PRKAR2B: variants seen among roughly 807,000 people sequenced by gnomAD.
PRKAR2B encodes protein kinase cAMP-dependent type II regulatory subunit beta.
Under a neutral mutation model 49.9 loss-of-function variants are expected in PRKAR2B, and 14 were observed. That is an observed-to-expected ratio of 0.28 (90% CI 0.19 to 0.44). The LOEUF (loss-of-function observed/expected upper bound fraction) is 0.44. Ranked by LOEUF, PRKAR2B falls within the 20% of genes least tolerant of loss-of-function variation. The pLI is 1.00. For missense variants in PRKAR2B, 393 were observed against 537.9 expected, an observed-to-expected ratio of 0.73 and a Z score of 2.67; for synonymous variants, 196 against 197.7, an observed-to-expected ratio of 0.99 and a Z score of 0.07.
intron 1 of PRKAR2B, among the ~76,000 whole-genome samples, chr7:107,056,742 A>G (rs1793920953): frequency 6.6e-6 from 1 of 152,228 alleles, no homozygotes; most frequent in Non-Finnish European, 1.5e-5. Flanking sequence ...GACTTTTAAT[A>G]ATAGTCTCCT....
chr7:107,114,324 CTGTGTGTGTGTGTGTGTGTG>C (rs58110858), intron 2 of PRKAR2B, among the ~76,000 whole-genome samples: 2,649 of 130,928 alleles, frequency 0.02, 66 homozygotes, highest in East Asian at 0.1. Flanking sequence ...GCATGTACAG[CTGTGTGTGTGTGTGTGTGTG>C]TGTGTGTGTG....
At chr7:107,099,342 T>G (rs979973434) in intron 2 of PRKAR2B, among the ~76,000 whole-genome samples, 2 of 152,182 alleles carry the variant, frequency 1.3e-5, no homozygotes, top group Admixed American at 6.5e-5. Flanking sequence ...TCTCCTGGTG[T>G]GCCGTTTGCT....
chr7:107,072,131 A>C (rs565197330), intron 2 of PRKAR2B, among the ~76,000 whole-genome samples: 2 of 150,670 alleles, frequency 1.3e-5, no homozygotes, highest in East Asian at 3.9e-4. Flanking sequence ...AATTGTAGAG[A>C]TGATGTAATA....
At chr7:107,050,333 CTTTTTTTTTTTTT>C (rs57752789) in intron 1 of PRKAR2B, among the ~76,000 whole-genome samples, 4 of 68,594 alleles carry the variant, frequency 5.8e-5, no homozygotes, top group African/African-American at 2.9e-4. Context: ...CAGTTACCAG[CTTTTTTTTTTTTT>C]TTTTTTTTTT....
At chr7:107,112,749 G>T (rs1265029470) in intron 2 of PRKAR2B, among the ~76,000 whole-genome samples, 7 of 151,804 alleles carry the variant, frequency 4.6e-5, no homozygotes, top group Non-Finnish European at 1.0e-4. Flanking sequence ...TTTAATTAAT[G>T]AAAAAAACCA....
At chr7:107,086,811 AATG>A (rs1194878150) in intron 2 of PRKAR2B, among the ~76,000 whole-genome samples, 1 of 152,158 alleles carries the variant, frequency 6.6e-6, no homozygotes, top group Non-Finnish European at 1.5e-5. Flanking sequence ...TCGTAAACAT[AATG>A]ATATGGTAAG....
At chr7:107,158,575 C>T (rs914902642) in intron 10 of PRKAR2B, among the ~76,000 whole-genome samples, 5 of 152,184 alleles carry the variant, frequency 3.3e-5, no homozygotes, top group South Asian at 2.1e-4. Flanking sequence ...GTAAATACTT[C>T]GAAGGTTTTG....
intron 5 of PRKAR2B, 22 bp downstream of exon 5, chr7:107,140,975 T>A: frequency 6.5e-7 from 1 of 1,533,870 alleles, no homozygotes; most frequent in Non-Finnish European, 9.0e-7. Context: ...CCAACCTTAC[T>A]ATTGAAATTG....
At chr7:107,144,890 C>T (rs1795861901) in intron 5 of PRKAR2B, among the ~76,000 whole-genome samples, 1 of 149,830 alleles carries the variant, frequency 6.7e-6, no homozygotes, top group South Asian at 2.1e-4. Flanking sequence ...TCTATCTGCC[C>T]TCACAGGTGC....
chr7:107,148,840 G>A lies in PRKAR2B; in HGVS notation c.742-2082G>A, dbSNP rs1795938568. Among the ~76,000 whole-genome samples the A allele has an allele frequency of 3.3e-5, 5 of 152,292 alleles. No homozygotes were observed. The South Asian group carries it at 1.0e-3, about 32-fold the overall frequency. On this transcript the variant is annotated intron_variant, in intron 6 of 10. Coordinates refer to ENST00000265717, the MANE Select transcript of PRKAR2B (RefSeq NM_002736.3). ...ACATGATCTACGTGACTATACTGAT[G>A]ATTTGGAAAGGTGATTTTTGAAATG...
At chr7:107,077,477 G>C (rs1794420652) in intron 2 of PRKAR2B, 1 of 152,156 alleles carries the variant, frequency 6.6e-6, no homozygotes, top group South Asian at 2.1e-4. Context: ...TTATAACATA[G>C]GTTTTACGAG....
chr7:107,118,367 C>G (rs1295767474), intron 2 of PRKAR2B, among the ~76,000 whole-genome samples: 1 of 151,658 alleles, frequency 6.6e-6, no homozygotes, highest in Non-Finnish European at 1.5e-5. Context: ...GTGTATAATA[C>G]AAGTACATTA....
In PRKAR2B at chr7:107,044,871, A is replaced by C; in HGVS notation, c.-37A>C. 1.3e-6 allele frequency: 2 copies of C among 1,542,962 alleles called. No individual in the cohort carries two copies. The highest frequency in any genetic ancestry group is 1.7e-6 in the Non-Finnish European group (2 of 1,147,836). Reference sequence around the variant, plus strand: ...CCTAGGCCGTGCCGGGGAGGGGGCGAGGGCGGCGCCCAGGCGCCTGCCGCC... The same window carrying C: ...CCTAGGCCGTGCCGGGGAGGGGGCGCGGGCGGCGCCCAGGCGCCTGCCGCC... On this transcript the variant is annotated 5_prime_UTR_variant, in exon 1 of 11. Coordinates refer to ENST00000265717, the MANE Select transcript of PRKAR2B (RefSeq NM_002736.3).
chr7:107,134,563 T>A (rs1795661608), intron 4 of PRKAR2B, among the ~76,000 whole-genome samples: 1 of 152,198 alleles, frequency 6.6e-6, no homozygotes, highest in African/African-American at 2.4e-5. Flanking sequence ...AGAACAAAGT[T>A]GCAGGATTCA....
chr7:107,109,919 A>G (rs1022250094), intron 2 of PRKAR2B, among the ~76,000 whole-genome samples: 1 of 152,194 alleles, frequency 6.6e-6, no homozygotes, highest in East Asian at 1.9e-4. Context: ...TTATTGAACA[A>G]CTATCCAAAA....
intron 3 of PRKAR2B, among the ~76,000 whole-genome samples, chr7:107,122,266 A>C (rs148882645): frequency 1.1e-4 from 16 of 152,238 alleles, no homozygotes; most frequent in African/African-American, 1.4e-4. Context: ...TCTCATAGTG[A>C]TAATATTATT....
At chr7:107,145,578 CT>C (rs1795874818) in intron 5 of PRKAR2B, among the ~76,000 whole-genome samples, 1 of 151,770 alleles carries the variant, frequency 6.6e-6, no homozygotes, top group African/African-American at 2.4e-5. Context: ...GATTTTCTTT[CT>C]TTTTTTAAGG....
At chr7:107,102,046 C>A (rs1054482680) in intron 2 of PRKAR2B, among the ~76,000 whole-genome samples, 1 of 151,790 alleles carries the variant, frequency 6.6e-6, no homozygotes, top group South Asian at 2.1e-4. Context: ...GATCAGAACA[C>A]GATACAAAAA....
chr7:107,117,545 G>C (rs188930436), intron 2 of PRKAR2B, among the ~76,000 whole-genome samples: 3 of 152,164 alleles, frequency 2.0e-5, no homozygotes, highest in African/African-American at 2.4e-5. Flanking sequence ...TGCCAGAGCT[G>C]AGGACCCAGT....
Sources: allele counts gnomAD v4.1 joint callset (sites outside exome capture counted in the v4.1 genomes callset), GRCh38; gene constraint gnomAD v4.1.1; transcripts MANE v1.5; gene names NCBI Gene and HGNC (gene_info 2026-07-23, HGNC 2026-07-21).